Variants in MAN2A1 observed in about 807,000 individuals in gnomAD.
MAN2A1 encodes mannosidase alpha class 2A member 1.
Under a neutral mutation model 142.6 loss-of-function variants are expected in MAN2A1, and 76 were observed. The ratio of observed to expected loss-of-function variants is 0.53; its 90% confidence interval spans 0.44 to 0.65. The LOEUF is 0.65. Ranked by LOEUF, MAN2A1 falls within the 30% of genes least tolerant of loss-of-function variation. The probability of loss-of-function intolerance (pLI) is 0.00; values close to 1 mark genes in which losing one functional copy is unlikely to be tolerated. For missense variants in MAN2A1, 1,311 were observed against 1,365.1 expected (o/e 0.96, Z 0.62); for synonymous variants, 559 against 473.2 (o/e 1.18, Z -2.35).
chr5:109,720,002 A>G (rs1751557847), intron 3 of MAN2A1, among the ~76,000 whole-genome samples: 1 of 152,182 alleles, frequency 6.6e-6, no homozygotes, highest in Admixed American at 6.5e-5. Flanking sequence ...ATGAAATTAA[A>G]TGTTAGTTGA....
intron 5 of MAN2A1, among the ~76,000 whole-genome samples, 190 bp from the exon 6 acceptor site, chr5:109,767,345 G>A (rs1304043408): frequency 6.6e-6 from 1 of 152,162 alleles, no homozygotes; most frequent in Non-Finnish European, 1.5e-5. Context: ...TGCCTATGTG[G>A]ATAGGCAGTG....
At chr5:109,830,979 A>C (rs1293572393) in intron 16 of MAN2A1, among the ~76,000 whole-genome samples, 1 of 152,184 alleles carries the variant, frequency 6.6e-6, no homozygotes, top group African/African-American at 2.4e-5. Flanking sequence ...TCCCCTACAA[A>C]GGTGGGTTGC....
intron 1 of MAN2A1, among the ~76,000 whole-genome samples, chr5:109,708,873 G>A (rs527291340): frequency 6.6e-6 from 1 of 152,232 alleles, no homozygotes; most frequent in Admixed American, 6.5e-5. Flanking sequence ...ATTCCATCTG[G>A]GCTCCCAGTT....
At chr5:109,860,714 G>A (rs77107821) in intron 20 of MAN2A1, among the ~76,000 whole-genome samples, 1 of 152,198 alleles carries the variant, frequency 6.6e-6, no homozygotes, top group Non-Finnish European at 1.5e-5. Flanking sequence ...TTCCTTAAAA[G>A]AGACTGTCAT....
intron 5 of MAN2A1, among the ~76,000 whole-genome samples, chr5:109,761,258 A>T (rs1752836263): frequency 6.6e-6 from 1 of 151,820 alleles, no homozygotes; most frequent in Non-Finnish European, 1.5e-5. Flanking sequence ...CATAGATAAC[A>T]TCTCTTATAG....
intron 9 of MAN2A1, among the ~76,000 whole-genome samples, chr5:109,783,684 A>G (rs947828542): frequency 6.6e-6 from 1 of 151,968 alleles, no homozygotes; most frequent in African/African-American, 2.4e-5. Context: ...TCCTTAAAAC[A>G]TGTTTCGTGT....
At chr5:109,816,516 G>A (rs1485698671) in intron 12 of MAN2A1, among the ~76,000 whole-genome samples, 1 of 151,844 alleles carries the variant, frequency 6.6e-6, no homozygotes, top group African/African-American at 2.4e-5. Context: ...ACCTTTTTTA[G>A]AATCAACTTT....
chr5:109,741,717 C>A (rs1752272609), intron 4 of MAN2A1, among the ~76,000 whole-genome samples: 1 of 152,156 alleles, frequency 6.6e-6, no homozygotes, highest in African/African-American at 2.4e-5. Flanking sequence ...TGATTCTTAT[C>A]CCCTCCCCCA....
intron 20 of MAN2A1, among the ~76,000 whole-genome samples, chr5:109,855,986 T>C (rs1171696765): frequency 6.6e-6 from 1 of 152,184 alleles, no homozygotes; most frequent in Non-Finnish European, 1.5e-5. Context: ...TTATGGATTC[T>C]GTGGAAAATA....
chr5:109,696,188 C>T (rs1750806896), intron 1 of MAN2A1, among the ~76,000 whole-genome samples: 1 of 151,974 alleles, frequency 6.6e-6, no homozygotes, highest in Admixed American at 6.6e-5. Flanking sequence ...GCAATCTCCA[C>T]CTCCCGGGTT....
chr5:109,867,161 A>G lies in MAN2A1; in HGVS notation c.*163A>G, dbSNP rs1355539793. 117 of 363,802 alleles carry G rather than the reference A, an allele frequency of 3.2e-4. No individual in the cohort carries two copies. Among genetic ancestry groups the G allele is most frequent in the African/African-American group, 2.0e-3 (96 of 46,894 alleles). The allele number at this position is 363,802 out of a possible 1,614,324, so 22.5% of individuals were successfully genotyped here. A position where few individuals can be genotyped will look rare whatever the true frequency, so the allele number is the denominator to read the frequency against. On this transcript the variant is annotated 3_prime_UTR_variant, in exon 22 of 22. Coordinates refer to ENST00000261483, the MANE Select transcript of MAN2A1 (RefSeq NM_002372.4). ...TTTCTTTTACCAGTACAGTAAGAAA[A>G]AAAAAAAAAAAAAAAAAGCCATGCT...
Position 109,690,342 on chromosome 5 carries a change from G to T in MAN2A1, c.-76G>T. The T allele has an allele frequency of 1.3e-6, 2 of 1,528,928 alleles. No individual in the cohort carries two copies. The highest frequency in any genetic ancestry group is 1.8e-6 in the Non-Finnish European group (2 of 1,105,316). The allele number at this position is 1,528,928 out of a possible 1,614,324, so 94.7% of individuals were successfully genotyped here. A position where few individuals can be genotyped will look rare whatever the true frequency, so the allele number is the denominator to read the frequency against. On this transcript the variant is annotated 5_prime_UTR_variant, in exon 1 of 22. Transcript: ENST00000261483. Reference sequence around the variant, plus strand: ...GCCCGGGAGAAGGGAGCCTCCGGCGGCTGCTTCCTAGAGTCCACAGTGCGC... The same window carrying T: ...GCCCGGGAGAAGGGAGCCTCCGGCGTCTGCTTCCTAGAGTCCACAGTGCGC...
chr5:109,855,484 T>A, intron 20 of MAN2A1, 150 bp downstream of exon 20: 1 of 500,710 alleles, frequency 2.0e-6, no homozygotes, highest in Non-Finnish European at 3.4e-6. Flanking sequence ...GCTTCATGCC[T>A]TTCATTTGAC....
chr5:109,754,439 A>T (rs956971577), intron 4 of MAN2A1, among the ~76,000 whole-genome samples: 1 of 152,170 alleles, frequency 6.6e-6, no homozygotes, highest in African/African-American at 2.4e-5. Flanking sequence ...TATAGCCTAT[A>T]TTTCAACTGA....
intron 16 of MAN2A1, 70 bp downstream of exon 16, chr5:109,823,907 A>C (rs1244838244): frequency 5.8e-6 from 4 of 693,528 alleles, no homozygotes; most frequent in Admixed American, 5.7e-5. Flanking sequence ...TTCTTATGCC[A>C]TTCTTAAATT....
chr5:109,776,587 G>A (rs1187923978), intron 8 of MAN2A1, among the ~76,000 whole-genome samples: 1 of 152,076 alleles, frequency 6.6e-6, no homozygotes, highest in Admixed American at 6.5e-5. Flanking sequence ...TTGCCTACTA[G>A]AACAGTTTTT....
At chr5:109,771,891 T>G (rs576686864) in intron 7 of MAN2A1, among the ~76,000 whole-genome samples, 6 of 152,190 alleles carry the variant, frequency 3.9e-5, no homozygotes, top group African/African-American at 1.2e-4. Flanking sequence ...GTTCTTTTTT[T>G]GGGGGGTGCT....
At chr5:109,775,752 A>G (rs189082543) in intron 8 of MAN2A1, among the ~76,000 whole-genome samples, 103 of 152,316 alleles carry the variant, frequency 6.8e-4, no homozygotes, top group African/African-American at 2.4e-3. Flanking sequence ...TAATACCATT[A>G]TCACACCTAA....
intron 1 of MAN2A1, among the ~76,000 whole-genome samples, chr5:109,700,393 G>A (rs1235153366): frequency 6.6e-6 from 1 of 151,642 alleles, no homozygotes. Context: ...TTCCCTTCAG[G>A]GTGAGGACTT....
Sources: allele counts gnomAD v4.1 joint callset (sites outside exome capture counted in the v4.1 genomes callset), GRCh38; gene constraint gnomAD v4.1.1; transcripts MANE v1.5; gene names NCBI Gene and HGNC (gene_info 2026-07-23, HGNC 2026-07-21).